Variants in LRMDA observed in about 807,000 individuals in gnomAD.
The protein encoded by LRMDA is leucine-rich melanocyte differentiation-associated protein.
In LRMDA, 18 loss-of-function variants were observed where a neutral mutation model predicts 29.8. That is an observed-to-expected ratio of 0.60 (90% confidence interval 0.42 to 0.90). The LOEUF is 0.90. Among genes scored for constraint, LRMDA ranks in the 40% least tolerant of loss-of-function variants. LRMDA has a pLI of 0.00. For synonymous variants in LRMDA, 125 were observed against 109.4 expected, an observed-to-expected ratio of 1.14 and a Z score of -0.89; for missense variants, 273 against 273.9, an observed-to-expected ratio of 1.00 and a Z score of 0.02.
rs116077528 is a variant in LRMDA at position 76,181,150 on chromosome 10, A to G, written c.516+122367A>G. Among the ~76,000 whole-genome samples the G allele has an allele frequency of 3.1e-3, 476 of 152,308 alleles. 2 individuals are homozygous for G. The highest frequency in any genetic ancestry group is 8.2e-3 in the African/African-American group (341 of 41,582). ...CTGTTCCCAAGTTTGGGTAAACACC[A>G]TGTCCAAGACACCCTTCTCCCTTTT... On this transcript the variant is annotated intron_variant, in intron 5 of 6. Transcript: ENST00000611255.
At chr10:76,308,993 C>G (rs2132374694) in intron 5 of LRMDA, among the ~76,000 whole-genome samples, 1 of 150,948 alleles carries the variant, frequency 6.6e-6, no homozygotes, top group East Asian at 2.0e-4. Flanking sequence ...CCCTAATCCT[C>G]ACTGCCTTAA....
intron 5 of LRMDA, among the ~76,000 whole-genome samples, chr10:76,219,483 A>G (rs1851789859): frequency 6.6e-6 from 1 of 152,214 alleles, no homozygotes; most frequent in African/African-American, 2.4e-5. Flanking sequence ...CTGATAAAAC[A>G]GACTTTAAAC....
Position 75,584,360 on chromosome 10 carries a change from C to T in LRMDA, c.131+145866C>T, listed in dbSNP as rs369559648. ...GCTTACGTGTTCCTCTCCTGTGTTT[C>T]TACTGCTCTCCATGTATGTGTCTAT... On this transcript the variant is annotated intron_variant, in intron 2 of 6. Transcript: ENST00000611255. Among the ~76,000 whole-genome samples, 12 of 152,268 alleles carry T rather than the reference C, an allele frequency of 7.9e-5. No homozygotes were observed. In the East Asian group the frequency reaches 1.9e-3, roughly 24 times the overall value.
intron 2 of LRMDA, among the ~76,000 whole-genome samples, chr10:75,565,960 G>A (rs189855308): frequency 3.4e-4 from 51 of 152,184 alleles, no homozygotes; most frequent in African/African-American, 1.0e-3. Context: ...CTGTGGTCCC[G>A]GCTTCTTGGG....
chr10:76,233,508 T>G (rs1356584618), intron 5 of LRMDA, among the ~76,000 whole-genome samples: 1 of 152,214 alleles, frequency 6.6e-6, no homozygotes, highest in African/African-American at 2.4e-5. Context: ...CCACATTGAT[T>G]GACTCACGAA....
chr10:76,147,082 G>A (rs555353046), intron 5 of LRMDA, among the ~76,000 whole-genome samples: 1 of 152,152 alleles, frequency 6.6e-6, no homozygotes, highest in African/African-American at 2.4e-5. Flanking sequence ...TTCCCTTTGT[G>A]GGTAACCCGA....
intron 2 of LRMDA, among the ~76,000 whole-genome samples, chr10:76,004,435 G>A (rs954255278): frequency 1.1e-4 from 17 of 152,268 alleles, no homozygotes; most frequent in Non-Finnish European, 2.2e-4. Flanking sequence ...TCTTAGTCTT[G>A]AGACATGACA....
chr10:75,684,644 A>C (rs1352578984), intron 2 of LRMDA, among the ~76,000 whole-genome samples: 1 of 152,196 alleles, frequency 6.6e-6, no homozygotes, highest in African/African-American at 2.4e-5. Flanking sequence ...GACAAGTCTA[A>C]CTTTGCTTTC....
At chr10:76,047,383 ATAG>A in intron 4 of LRMDA, 80 bp downstream of exon 4, 1 of 1,381,542 alleles carries the variant, frequency 7.2e-7, no homozygotes, top group Non-Finnish European at 9.6e-7. Flanking sequence ...TCTGGGGTGC[ATAG>A]TAGATGTTTG....
chr10:75,852,296 G>A (rs147822711), intron 2 of LRMDA, among the ~76,000 whole-genome samples: 2 of 152,278 alleles, frequency 1.3e-5, no homozygotes, highest in African/African-American at 4.8e-5. Flanking sequence ...GTAAAGAGTT[G>A]TTGTAATCTG....
chr10:75,482,263 A>G (rs1289535820), intron 2 of LRMDA, among the ~76,000 whole-genome samples: 1 of 152,126 alleles, frequency 6.6e-6, no homozygotes, highest in Non-Finnish European at 1.5e-5. Flanking sequence ...AGCTTCTGCC[A>G]TTGCCTGCTC....
chr10:75,802,446 G>A (rs1843770100), intron 2 of LRMDA, among the ~76,000 whole-genome samples: 1 of 152,050 alleles, frequency 6.6e-6, no homozygotes, highest in Non-Finnish European at 1.5e-5. Context: ...TGTGCATATA[G>A]CCACATACCT....
At chr10:75,514,768 G>C (rs971732472) in intron 2 of LRMDA, among the ~76,000 whole-genome samples, 1 of 152,172 alleles carries the variant, frequency 6.6e-6, no homozygotes, top group Non-Finnish European at 1.5e-5. Flanking sequence ...TACAGATGCT[G>C]CTGCCATGCT....
At chr10:75,977,767 C>CTGTG (rs1347488434) in intron 2 of LRMDA, among the ~76,000 whole-genome samples, 1 of 152,146 alleles carries the variant, frequency 6.6e-6, no homozygotes. Flanking sequence ...GGTCTGATGC[C>CTGTG]TGTTTCATTT....
chr10:75,561,134 G>T (rs930690170), intron 2 of LRMDA, among the ~76,000 whole-genome samples: 5 of 151,488 alleles, frequency 3.3e-5, no homozygotes, highest in African/African-American at 1.2e-4. Flanking sequence ...TGTACCTCTG[G>T]TAGAATTTGG....
intron 5 of LRMDA, among the ~76,000 whole-genome samples, chr10:76,260,525 C>T (rs1267367851): frequency 6.6e-6 from 1 of 152,044 alleles, no homozygotes; most frequent in Non-Finnish European, 1.5e-5. Flanking sequence ...CTCTCTTGGC[C>T]TATAAGGTTT....
chr10:76,492,645 G>A (rs1842845070), intron 6 of LRMDA, among the ~76,000 whole-genome samples: 1 of 152,026 alleles, frequency 6.6e-6, no homozygotes, highest in South Asian at 2.1e-4. Context: ...AAATACCTGA[G>A]ACTGGGTAAT....
intron 2 of LRMDA, among the ~76,000 whole-genome samples, chr10:75,742,003 C>T (rs985776342): frequency 2.0e-5 from 3 of 152,196 alleles, no homozygotes; most frequent in Admixed American, 6.5e-5. Context: ...AGAGGGCTCA[C>T]GCCAGGATCA....
At chr10:76,248,157 G>A (rs1030745863) in intron 5 of LRMDA, among the ~76,000 whole-genome samples, 1 of 152,142 alleles carries the variant, frequency 6.6e-6, no homozygotes, top group African/African-American at 2.4e-5. Context: ...ATTTAATAAT[G>A]TCTGGATACA....
Sources: gnomAD v4.1 joint callset for allele counts (sites outside exome capture counted in the v4.1 genomes callset) on GRCh38, gnomAD v4.1.1 for gene constraint, MANE v1.5 for transcripts, NCBI Gene and HGNC (gene_info 2026-07-23, HGNC 2026-07-21) for gene names.